The following ZCWPW2 variants were observed in gnomAD, a reference collection of about 807,000 sequenced individuals.
ZCWPW2 encodes the protein zinc finger CW-type PWWP domain protein 2.
In ZCWPW2, 45 loss-of-function variants were observed where a neutral mutation model predicts 46.6. That is an observed-to-expected ratio of 0.96 (90% confidence interval 0.76 to 1.24). The LOEUF (loss-of-function observed/expected upper bound fraction) is 1.24. Ranked by LOEUF, ZCWPW2 falls within the 50% of genes most tolerant of loss-of-function variation. ZCWPW2 has a pLI of 0.00. For synonymous variants in ZCWPW2, 152 were observed against 137.1 expected (o/e 1.11, Z -0.76); for missense variants, 429 against 403.9 (o/e 1.06, Z -0.53).
intron 2 of ZCWPW2, among the ~76,000 whole-genome samples, chr3:28,399,126 G>C (rs1695823136): frequency 6.6e-6 from 1 of 152,152 alleles, no homozygotes; most frequent in Non-Finnish European, 1.5e-5. Flanking sequence ...TGGCCCTTCA[G>C]ATTGTTTGGC....
chr3:28,396,876 C>G (rs924267230), intron 2 of ZCWPW2, among the ~76,000 whole-genome samples: 2 of 152,122 alleles, frequency 1.3e-5, no homozygotes, highest in African/African-American at 4.8e-5. Context: ...CACCTGTAAT[C>G]CCAGCACTTT....
At chr3:28,439,506 A>G (rs1283407054) in intron 4 of ZCWPW2, among the ~76,000 whole-genome samples, 1 of 152,066 alleles carries the variant, frequency 6.6e-6, no homozygotes, top group Non-Finnish European at 1.5e-5. Flanking sequence ...CAAGATCAAT[A>G]CTTTGTATCC....
At chr3:28,374,609 T>G (rs1346044420) in intron 1 of ZCWPW2, among the ~76,000 whole-genome samples, 1 of 152,150 alleles carries the variant, frequency 6.6e-6, no homozygotes, top group African/African-American at 2.4e-5. Context: ...ACTATGAGTA[T>G]GGGATGTCTT....
At chr3:28,368,237 G>T (rs1170079995) in intron 1 of ZCWPW2, among the ~76,000 whole-genome samples, 2 of 152,090 alleles carry the variant, frequency 1.3e-5, no homozygotes, top group Non-Finnish European at 2.9e-5. Flanking sequence ...TTTCTTCCTA[G>T]CCTCGATGGT....
At chr3:28,354,100 G>T (rs992522043) in intron 1 of ZCWPW2, among the ~76,000 whole-genome samples, 2 of 152,054 alleles carry the variant, frequency 1.3e-5, no homozygotes, top group Non-Finnish European at 2.9e-5. Context: ...AAACGTATTA[G>T]AGAAGCCAGT....
At chr3:28,470,664 A>G (rs987875413) in intron 4 of ZCWPW2, among the ~76,000 whole-genome samples, 2 of 152,078 alleles carry the variant, frequency 1.3e-5, no homozygotes, top group African/African-American at 4.8e-5. Flanking sequence ...TAAACAACCT[A>G]ATGATACATT....
At chr3:28,483,927 C>G (rs573837660) in intron 5 of ZCWPW2, among the ~76,000 whole-genome samples, 1 of 151,960 alleles carries the variant, frequency 6.6e-6, no homozygotes, top group African/African-American at 2.4e-5. Context: ...TCATGTGCAG[C>G]GAGAGTTTTA....
chr3:28,473,722 T>C (rs1699122667), intron 4 of ZCWPW2, among the ~76,000 whole-genome samples: 1 of 152,208 alleles, frequency 6.6e-6, no homozygotes, highest in Non-Finnish European at 1.5e-5. Context: ...TCCATTCATT[T>C]GCAACAACAT....
At chr3:28,518,135 C>CA (rs35463839) in intron 8 of ZCWPW2, among the ~76,000 whole-genome samples, 43,208 of 75,888 alleles carry the variant, frequency 0.57, 11,968 homozygotes, top group Non-Finnish European at 0.61. Flanking sequence ...GACTCCGTCT[C>CA]AAAAAAAAAA....
chr3:28,409,937 T>C (rs980398129), intron 2 of ZCWPW2, among the ~76,000 whole-genome samples: 5 of 151,986 alleles, frequency 3.3e-5, no homozygotes, highest in African/African-American at 1.2e-4. Flanking sequence ...CTATATATTG[T>C]TTACAGGAGG....
At chr3:28,420,526 A>G (rs1315638180) in intron 3 of ZCWPW2, among the ~76,000 whole-genome samples, 1 of 150,564 alleles carries the variant, frequency 6.6e-6, no homozygotes, top group African/African-American at 2.4e-5. Context: ...CTCATCATCA[A>G]ATATTTTTCT....
chr3:28,371,124 G>C, intron 1 of ZCWPW2, among the ~76,000 whole-genome samples: 1 of 151,862 alleles, frequency 6.6e-6, no homozygotes, highest in East Asian at 1.9e-4. Context: ...TAAATTTATC[G>C]TAGTATTGAT....
At chr3:28,417,224 A>C (rs1696624343) in intron 3 of ZCWPW2, among the ~76,000 whole-genome samples, 1 of 152,112 alleles carries the variant, frequency 6.6e-6, no homozygotes, top group Admixed American at 6.6e-5. Flanking sequence ...CCATCAGAGA[A>C]TACTATAAAT....
intron 1 of ZCWPW2, among the ~76,000 whole-genome samples, chr3:28,383,865 A>G (rs922060363): frequency 1.3e-5 from 2 of 152,156 alleles, no homozygotes; most frequent in Admixed American, 1.3e-4. Context: ...ATGTGACTCA[A>G]TGCTTACTTT....
chr3:28,391,524 A>G (rs1695489877), intron 2 of ZCWPW2, among the ~76,000 whole-genome samples: 1 of 152,182 alleles, frequency 6.6e-6, no homozygotes, highest in South Asian at 2.1e-4. Flanking sequence ...AATTGCAGAA[A>G]TGGGCATACC....
At chr3:28,427,365 GA>G in intron 3 of ZCWPW2, among the ~76,000 whole-genome samples, 1 of 152,158 alleles carries the variant, frequency 6.6e-6, no homozygotes, top group Admixed American at 6.5e-5. Flanking sequence ...AGGAGATGAG[GA>G]GAAGTAATCA....
At chr3:28,386,232 A>G (rs993950594) in intron 1 of ZCWPW2, among the ~76,000 whole-genome samples, 1 of 152,154 alleles carries the variant, frequency 6.6e-6, no homozygotes, top group Non-Finnish European at 1.5e-5. Context: ...AAAAGACACC[A>G]GAAAACTCAC....
intron 4 of ZCWPW2, among the ~76,000 whole-genome samples, chr3:28,435,956 AC>A (rs1697472549): frequency 6.6e-6 from 1 of 152,174 alleles, no homozygotes; most frequent in South Asian, 2.1e-4. Flanking sequence ...ATGGATTGCA[AC>A]CAGTTTTTCA....
At chr3:28,469,062 T>TA (rs1698939468) in intron 4 of ZCWPW2, among the ~76,000 whole-genome samples, 1 of 152,106 alleles carries the variant, frequency 6.6e-6, no homozygotes, top group South Asian at 2.1e-4. Context: ...AATAAAAAGT[T>TA]AAAAAGAGGG....
Sources: gnomAD v4.1 joint callset for allele counts (sites outside exome capture counted in the v4.1 genomes callset) on GRCh38, gnomAD v4.1.1 for gene constraint, MANE v1.5 for transcripts, NCBI Gene and HGNC (gene_info 2026-07-23, HGNC 2026-07-21) for gene names.